The following CADM2 variants were observed in gnomAD, a reference collection of about 807,000 sequenced individuals.
CADM2 encodes the protein immunoglobulin superfamily member 4D.
CADM2 carries 12 observed loss-of-function variants against 49.8 expected under a neutral mutation model. The observed-to-expected ratio is 0.24, with a 90% CI of 0.15 to 0.39. The LOEUF (loss-of-function observed/expected upper bound fraction) is 0.39. Ranked by LOEUF, CADM2 falls within the 10% of genes least tolerant of loss-of-function variation. CADM2 has a pLI of 1.00. For synonymous variants in CADM2, 214 were observed against 175.4 expected, an observed-to-expected ratio of 1.22 and a Z score of -1.74; for missense variants, 378 against 492.3, an observed-to-expected ratio of 0.77 and a Z score of 2.20.
intron 1 of CADM2, among the ~76,000 whole-genome samples, chr3:85,145,077 T>A (rs1405572880): frequency 6.6e-6 from 1 of 152,204 alleles, no homozygotes; most frequent in Non-Finnish European, 1.5e-5. Flanking sequence ...TCTTCTAGAA[T>A]GTTTTACTGT....
At chr3:85,906,320 G>T (rs1716806722) in intron 5 of CADM2, among the ~76,000 whole-genome samples, 1 of 151,722 alleles carries the variant, frequency 6.6e-6, no homozygotes, top group Non-Finnish European at 1.5e-5. Flanking sequence ...TAACATTTAA[G>T]ATACATTTTA....
intron 1 of CADM2, among the ~76,000 whole-genome samples, chr3:85,654,639 A>G (rs940122601): frequency 6.6e-5 from 10 of 152,200 alleles, no homozygotes; most frequent in African/African-American, 2.2e-4. Flanking sequence ...AAAATTCTGT[A>G]TAGGAGTAAC....
At chr3:85,806,167 CGAGG>C (rs796069387) in intron 3 of CADM2, among the ~76,000 whole-genome samples, 34 of 101,512 alleles carry the variant, frequency 3.3e-4, no homozygotes, top group African/African-American at 5.0e-4. Flanking sequence ...AGAAAAGAAG[CGAGG>C]GAGGGAGGGA....
chr3:85,849,786 G>A (rs2075022911), intron 3 of CADM2, among the ~76,000 whole-genome samples: 1 of 152,140 alleles, frequency 6.6e-6, no homozygotes, highest in African/African-American at 2.4e-5. Context: ...GGGGTAGGAT[G>A]TGTTCAAATT....
At chr3:85,097,516 GC>G (rs1339383678) in intron 1 of CADM2, among the ~76,000 whole-genome samples, 1 of 152,192 alleles carries the variant, frequency 6.6e-6, no homozygotes, top group Non-Finnish European at 1.5e-5. Flanking sequence ...TATGTACCCA[GC>G]AATGGGATGG....
chr3:84,986,188 A>C (rs73843252), intron 1 of CADM2, among the ~76,000 whole-genome samples: 3,144 of 152,306 alleles, frequency 0.021, 124 homozygotes, highest in African/African-American at 0.071. Context: ...CTGGGTTTTA[A>C]CTTTTTTACT....
intron 1 of CADM2, among the ~76,000 whole-genome samples, chr3:85,449,356 C>A (rs58703893): frequency 0.088 from 13,320 of 151,716 alleles, 1,882 homozygotes; most frequent in African/African-American, 0.3. Context: ...AGAAATTATT[C>A]CTTTTTTTAA....
At chr3:85,531,350 G>T (rs1450188363) in intron 1 of CADM2, among the ~76,000 whole-genome samples, 1 of 152,188 alleles carries the variant, frequency 6.6e-6, no homozygotes, top group Middle Eastern at 3.2e-3. Context: ...GATGGTGGTT[G>T]TTTCAGTGTA....
chr3:85,166,756 T>C (rs900931022), intron 1 of CADM2, among the ~76,000 whole-genome samples: 7 of 152,002 alleles, frequency 4.6e-5, no homozygotes, highest in African/African-American at 1.7e-4. Flanking sequence ...TTAGAAAATA[T>C]ATGCTTTCTC....
intron 1 of CADM2, among the ~76,000 whole-genome samples, chr3:85,063,118 A>G (rs1012280368): frequency 2.0e-5 from 3 of 151,884 alleles, no homozygotes; most frequent in Non-Finnish European, 4.4e-5. Context: ...TAGGTTTTTT[A>G]TGTAATTGCA....
At chr3:85,776,180 A>T (rs982140067) in intron 2 of CADM2, among the ~76,000 whole-genome samples, 2 of 151,944 alleles carry the variant, frequency 1.3e-5, no homozygotes, top group African/African-American at 2.4e-5. Context: ...AACAGGGAAA[A>T]CAAATCACTC....
intron 1 of CADM2, among the ~76,000 whole-genome samples, chr3:85,566,429 A>C (rs563523969): frequency 6.6e-6 from 1 of 152,152 alleles, no homozygotes; most frequent in Non-Finnish European, 1.5e-5. Flanking sequence ...AGCAACCTAC[A>C]TAACACATTA....
intron 1 of CADM2, among the ~76,000 whole-genome samples, chr3:85,205,378 A>G (rs2041607995): frequency 6.6e-6 from 1 of 152,134 alleles, no homozygotes; most frequent in Admixed American, 6.6e-5. Flanking sequence ...AGATATCTTT[A>G]TATTTTGAAG....
intron 1 of CADM2, among the ~76,000 whole-genome samples, chr3:85,019,867 C>A (rs1472460091): frequency 1.3e-5 from 2 of 152,146 alleles, no homozygotes; most frequent in Non-Finnish European, 2.9e-5. Context: ...TGGTTAACGT[C>A]CAGTTCAAAA....
At chr3:85,128,412 A>G (rs555035337) in intron 1 of CADM2, among the ~76,000 whole-genome samples, 1 of 152,202 alleles carries the variant, frequency 6.6e-6, no homozygotes, top group Admixed American at 6.5e-5. Context: ...TTGAAAATGT[A>G]TACATGTATC....
intron 1 of CADM2, among the ~76,000 whole-genome samples, chr3:85,609,171 T>C (rs982386808): frequency 1.4e-4 from 22 of 151,988 alleles, no homozygotes; most frequent in African/African-American, 4.6e-4. Context: ...GTACCAAATA[T>C]AGGAATTGCT....
At chr3:85,568,445 TTCTTTCTTTCTTTCTTTCTCTTTCTCTC>T (rs1559915859) in intron 1 of CADM2, among the ~76,000 whole-genome samples, 35 of 33,076 alleles carry the variant, frequency 1.1e-3, no homozygotes, top group South Asian at 9.8e-3. Context: ...CTTTCTTTCT[TTCTTTCTTTCTTTCTTTCTCTTTCTCTC>T]TCTTTCTTTC....
intron 1 of CADM2, among the ~76,000 whole-genome samples, chr3:85,207,318 A>C (rs1317603408): frequency 6.6e-6 from 1 of 152,156 alleles, no homozygotes; most frequent in Non-Finnish European, 1.5e-5. Flanking sequence ...ATCACTGACT[A>C]TTCATTTCAT....
chr3:85,458,279 C>G lies in CADM2; in HGVS notation c.62-268243C>G, dbSNP rs79702295. On this transcript the variant is annotated intron_variant, in intron 1 of 9. Coordinates refer to ENST00000383699, the MANE Select transcript of CADM2 (RefSeq NM_001167675.2). ...TTCCCAGGAAATGCCTTACACCATG[C>G]CCTGCACATAACAGGGATATTATAA... Among the ~76,000 whole-genome samples the G allele has an allele frequency of 7.3e-3, 1,116 of 152,224 alleles. 14 individuals are homozygous for G. Among genetic ancestry groups the G allele is most frequent in the African/African-American group, 0.026 (1,060 of 41,532 alleles).
Sources: allele counts gnomAD v4.1 joint callset (sites outside exome capture counted in the v4.1 genomes callset), GRCh38; gene constraint gnomAD v4.1.1; transcripts MANE v1.5; gene names NCBI Gene and HGNC (gene_info 2026-07-23, HGNC 2026-07-21).